GALNT13: variants seen among roughly 807,000 people sequenced by gnomAD.
GALNT13 encodes UDP-GalNAc:polypeptide N-acetylgalactosaminyltransferase 13.
In GALNT13, 28 loss-of-function variants were observed where a neutral mutation model predicts 64.2. The ratio of observed to expected loss-of-function variants is 0.44; its 90% CI spans 0.32 to 0.60. The LOEUF is 0.60. Ranked by LOEUF, GALNT13 falls within the 20% of genes least tolerant of loss-of-function variation. The pLI, the probability that GALNT13 is intolerant of heterozygous loss-of-function variation, is 0.05. For missense variants in GALNT13, 577 were observed against 669.8 expected, an observed-to-expected ratio of 0.86 and a Z score of 1.53; for synonymous variants, 214 against 224.6, an observed-to-expected ratio of 0.95 and a Z score of 0.42.
intron 10 of GALNT13, among the ~76,000 whole-genome samples, chr2:154,402,286 C>A (rs1437569645): frequency 6.6e-6 from 1 of 152,110 alleles, no homozygotes; most frequent in Non-Finnish European, 1.5e-5. Context: ...AAATGGAATT[C>A]TCATTGCTAC....
chr2:154,216,802 C>CTTTTTTTTTTTTTT (rs397872685), intron 4 of GALNT13, among the ~76,000 whole-genome samples: 1 of 71,296 alleles, frequency 1.4e-5, no homozygotes, highest in Non-Finnish European at 2.6e-5. Context: ...TTCTCTCTCT[C>CTTTTTTTTTTTTTT]TTTTTTTTTT....
At chr2:154,185,315 T>C (rs1308322297) in intron 4 of GALNT13, among the ~76,000 whole-genome samples, 4 of 152,104 alleles carry the variant, frequency 2.6e-5, no homozygotes, top group Admixed American at 6.6e-5. Context: ...GATTATCATA[T>C]GTTTCAGTGA....
Position 154,450,831 on chromosome 2 carries a change from G to A in GALNT13, c.*280G>A. The A allele has an allele frequency of 3.6e-6, 1 of 277,136 alleles. No individual in the cohort carries two copies. 17.2% of individuals were successfully genotyped at this position (277,136 alleles called of 1,614,324 possible). A position where few individuals can be genotyped will look rare whatever the true frequency, so the allele number is the denominator to read the frequency against. The stretch of plus-strand genomic sequence containing the variant: ...GTTTGCTTTAAGAAAAATGTTTATT[G>A]CACTCATGTCATAGGGTTAATTGGA... On this transcript the variant is annotated 3_prime_UTR_variant, in exon 13 of 13. Transcript: ENST00000392825.
At chr2:153,725,363 G>T in the GALNT13 span, among the ~76,000 whole-genome samples, 1 of 151,044 alleles carries the variant, frequency 6.6e-6, no homozygotes, top group African/African-American at 2.4e-5. Context: ...GCTAGATGAC[G>T]AGTTAGTGGG....
chr2:153,238,100 T>G, the GALNT13 span, among the ~76,000 whole-genome samples: 2 of 152,278 alleles, frequency 1.3e-5, no homozygotes, highest in South Asian at 4.1e-4. Context: ...ATTGAGCAGC[T>G]TTTCATATAC....
chr2:153,744,427 A>G, the GALNT13 span, among the ~76,000 whole-genome samples: 3 of 152,174 alleles, frequency 2.0e-5, no homozygotes, highest in Admixed American at 2.0e-4. Flanking sequence ...TCTGATTATC[A>G]GTGATGTTCA....
chr2:154,103,278 A>T (rs568799078), intron 3 of GALNT13, among the ~76,000 whole-genome samples: 2 of 152,216 alleles, frequency 1.3e-5, no homozygotes, highest in South Asian at 4.1e-4. Flanking sequence ...TGCCTTTTCT[A>T]ATCTATTGTG....
At chr2:154,159,750 T>C (rs1333158549) in intron 4 of GALNT13, among the ~76,000 whole-genome samples, 1 of 152,132 alleles carries the variant, frequency 6.6e-6, no homozygotes, top group East Asian at 1.9e-4. Context: ...AATAGTCTAA[T>C]GTTGGGGATT....
chr2:153,446,806 C>A, the GALNT13 span: 1 of 152,024 alleles, frequency 6.6e-6, no homozygotes, highest in African/African-American at 2.4e-5. Context: ...CTTCTTTTAT[C>A]TTTTCTTCAC....
chr2:153,827,929 T>C, the GALNT13 span, among the ~76,000 whole-genome samples: 3 of 152,058 alleles, frequency 2.0e-5, no homozygotes, highest in Non-Finnish European at 4.4e-5. Context: ...ATGGAAGAAA[T>C]TGGCCAAAAC....
chr2:154,332,835 A>G (rs1318399936), intron 9 of GALNT13, among the ~76,000 whole-genome samples: 1 of 152,278 alleles, frequency 6.6e-6, no homozygotes, highest in East Asian at 1.9e-4. Context: ...AAATGAATGA[A>G]GAATAAGAAA....
At chr2:153,561,736 C>G in the GALNT13 span, among the ~76,000 whole-genome samples, 1 of 150,464 alleles carries the variant, frequency 6.6e-6, no homozygotes, top group Admixed American at 6.6e-5. Flanking sequence ...ATTGAAGATG[C>G]TAGGTACATT....
intron 8 of GALNT13, among the ~76,000 whole-genome samples, chr2:154,295,348 T>TTTTATTTATTTATCTA: frequency 7.0e-6 from 1 of 142,222 alleles, no homozygotes; most frequent in East Asian, 2.1e-4. Flanking sequence ...ATTCTTTTTA[T>TTTTATTTATTTATCTA]TTTATTTATT....
chr2:153,748,480 G>T, the GALNT13 span, among the ~76,000 whole-genome samples: 2 of 152,122 alleles, frequency 1.3e-5, no homozygotes, highest in African/African-American at 4.8e-5. Context: ...TAACTGAGGT[G>T]AGATGATATC....
At chr2:153,603,554 C>T in the GALNT13 span, among the ~76,000 whole-genome samples, 1 of 151,912 alleles carries the variant, frequency 6.6e-6, no homozygotes, top group African/African-American at 2.4e-5. Flanking sequence ...GTATTATCTA[C>T]AGAGTAATAA....
At chr2:153,317,456 TAATATTTTA>T in the GALNT13 span, among the ~76,000 whole-genome samples, 1 of 152,210 alleles carries the variant, frequency 6.6e-6, no homozygotes, top group Admixed American at 6.5e-5. Flanking sequence ...TCTTTGGGGA[TAATATTTTA>T]TATATTTTAT....
chr2:153,373,132 T>TTGTGTGTGTGTGTGTGTG, the GALNT13 span, among the ~76,000 whole-genome samples: 1 of 148,850 alleles, frequency 6.7e-6, no homozygotes, highest in South Asian at 2.1e-4. Context: ...TTCTGTTGCT[T>TTGTGTGTGTGTGTGTGTG]TGTGTGTGTG....
chr2:153,636,433 A>G, the GALNT13 span, among the ~76,000 whole-genome samples: 2 of 152,300 alleles, frequency 1.3e-5, no homozygotes, highest in South Asian at 4.1e-4. Context: ...ATGTGTAAAA[A>G]GGCTTCTCGT....
chr2:154,063,617 CATT>C (rs760314599), intron 3 of GALNT13, among the ~76,000 whole-genome samples: 8 of 152,198 alleles, frequency 5.3e-5, no homozygotes, highest in Non-Finnish European at 1.0e-4. Context: ...ATGGCCCCAT[CATT>C]ATTATCCAAC....
Sources: gnomAD v4.1 joint callset for allele counts (sites outside exome capture counted in the v4.1 genomes callset) on GRCh38, gnomAD v4.1.1 for gene constraint, MANE v1.5 for transcripts, NCBI Gene and HGNC (gene_info 2026-07-23, HGNC 2026-07-21) for gene names.